Variants in CEP57 observed in about 807,000 individuals in gnomAD.
The protein encoded by CEP57 is centrosomal protein of 57 kDa.
A neutral mutation model predicts 68.0 loss-of-function variants in CEP57; 40 were observed. That is an observed-to-expected ratio of 0.59 (90% CI 0.46 to 0.77). CEP57 has a LOEUF of 0.77. Among genes scored for constraint, CEP57 ranks in the 30% least tolerant of loss-of-function variants. CEP57 has a pLI of 0.00. For missense variants in CEP57, 606 were observed against 580.7 expected (o/e 1.04, Z -0.45); for synonymous variants, 219 against 198.7 (o/e 1.10, Z -0.86).
chr11:95,793,854 T>C (rs1031656659), intron 1 of CEP57, among the ~76,000 whole-genome samples: 2 of 152,206 alleles, frequency 1.3e-5, no homozygotes, highest in Admixed American at 6.5e-5. Context: ...AGAAACAATC[T>C]TGTATTCATT....
chr11:95,828,560 C>T (rs1862857424), intron 9 of CEP57, among the ~76,000 whole-genome samples: 1 of 152,092 alleles, frequency 6.6e-6, no homozygotes. Context: ...ACTACATCAT[C>T]ATCTGGCACC....
Position 95,790,714 on chromosome 11 carries a change from GTC to G in CEP57, c.20_21del (p.Ser7CysfsTer13). 1 of 1,614,136 alleles carries G rather than the reference GTC, an allele frequency of 6.2e-7. No homozygotes were observed. The highest frequency in any genetic ancestry group is 8.5e-7 in the Non-Finnish European group (1 of 1,180,006). ...AGGCTGAAAGATGGCGGCGGCGTCT[GTC>G]TCTGCGGCTTCTGGTTCTCACTTGT... Reference protein sequence around the residue: MAAASVSAASGSHLSN... With the variant: MAAASXSAASGSHLSN... On this transcript the variant is annotated frameshift_variant, in exon 1 of 11. Coordinates refer to ENST00000325542, the MANE Select transcript of CEP57 (RefSeq NM_014679.5). LOFTEE classifies it high-confidence loss of function.
At chr11:95,817,617 T>G (rs1862352083) in intron 4 of CEP57, among the ~76,000 whole-genome samples, 170 bp from the exon 5 acceptor site, 1 of 152,192 alleles carries the variant, frequency 6.6e-6, no homozygotes, top group Non-Finnish European at 1.5e-5. Flanking sequence ...CTAAGAACAG[T>G]ATCCACTTAT....
chr11:95,812,943 G>A lies in CEP57; in HGVS notation c.214G>A (p.Ala72Thr), dbSNP rs1565322034. Reference protein sequence around the residue: ...PESNSRAIFSALKNLQDKIRR... With the variant: ...PESNSRAIFSTLKNLQDKIRR... ...TTTGTATTTGGCAGCCATATTTTCT[G>A]CTCTTAAGAATCTTCAAGATAAGAT... The change falls in exon 3 of 11, where the codon GCT becomes ACT. Residue 72 changes from alanine (A) to threonine (T), a missense_variant. Transcript: ENST00000325542. The A allele has an allele frequency of 6.2e-7, 1 of 1,613,820 alleles. No individual in the cohort carries two copies. Among genetic ancestry groups the A allele is most frequent in the Non-Finnish European group, 8.5e-7 (1 of 1,179,930 alleles).
At chr11:95,825,503 TGAA>T (rs995346790) in intron 8 of CEP57, among the ~76,000 whole-genome samples, 3 of 151,750 alleles carry the variant, frequency 2.0e-5, no homozygotes, top group African/African-American at 4.8e-5. Flanking sequence ...TGCCACAAGA[TGAA>T]GAAGACAACA....
At chr11:95,798,785 A>G (rs1022621777) in intron 1 of CEP57, among the ~76,000 whole-genome samples, 1 of 152,238 alleles carries the variant, frequency 6.6e-6, no homozygotes, top group Non-Finnish European at 1.5e-5. Context: ...AGGCAAGGAC[A>G]GTGCCTTATT....
intron 2 of CEP57, among the ~76,000 whole-genome samples, chr11:95,811,651 A>G (rs1024638979): frequency 6.6e-6 from 1 of 152,190 alleles, no homozygotes; most frequent in Admixed American, 6.5e-5. Flanking sequence ...CTGTACATCA[A>G]AACTAGAATT....
At chr11:95,806,431 C>T (rs925935948) in intron 2 of CEP57, among the ~76,000 whole-genome samples, 1 of 152,190 alleles carries the variant, frequency 6.6e-6, no homozygotes, top group Non-Finnish European at 1.5e-5. Context: ...GGTGTTGTCT[C>T]ACCCGGGAAG....
rs764178959 is a variant in CEP57, at chr11:95,812,918, T to C, written c.203-14T>C. On this transcript the variant is annotated splice_polypyrimidine_tract_variant and intron_variant, in intron 2 of 10. Coordinates refer to ENST00000325542, the MANE Select transcript of CEP57 (RefSeq NM_014679.5). ...TGCTGTTACAGCATCCACGTTTGTGTTTGTATTTGGCAGCCATATTTTCTG... is the reference window on the plus strand; with the variant it reads ...TGCTGTTACAGCATCCACGTTTGTGCTTGTATTTGGCAGCCATATTTTCTG... 6.2e-7 allele frequency: 1 copy of C among 1,613,208 alleles called. No individual in the cohort carries two copies. Among genetic ancestry groups the C allele is most frequent in the Non-Finnish European group, 8.5e-7 (1 of 1,179,446 alleles).
At chr11:95,830,049 CAG>C (rs1414397224) in intron 10 of CEP57, among the ~76,000 whole-genome samples, 1 of 152,134 alleles carries the variant, frequency 6.6e-6, no homozygotes, top group Non-Finnish European at 1.5e-5. Context: ...CTGAGAAGTT[CAG>C]AGAGCAGAAC....
At chr11:95,810,040 T>C (rs1861984890) in intron 2 of CEP57, among the ~76,000 whole-genome samples, 1 of 151,836 alleles carries the variant, frequency 6.6e-6, no homozygotes, top group African/African-American at 2.4e-5. Flanking sequence ...GCAAGGCTGG[T>C]TCAACGTACA....
chr11:95,818,158 T>C, intron 5 of CEP57: 1 of 374,306 alleles, frequency 2.7e-6, no homozygotes, highest in South Asian at 2.3e-5. Context: ...ACGCCTGTAA[T>C]CCCAGCACTT....
chr11:95,804,697 A>G (rs1232707122), intron 2 of CEP57, among the ~76,000 whole-genome samples: 2 of 152,238 alleles, frequency 1.3e-5, no homozygotes, highest in East Asian at 3.9e-4. Flanking sequence ...AGAGCTATAC[A>G]TTGTTAATGA....
chr11:95,815,293 C>G (rs1204246667), intron 4 of CEP57: 1 of 152,132 alleles, frequency 6.6e-6, no homozygotes, highest in Non-Finnish European at 1.5e-5. Context: ...TGATAGGTCT[C>G]TTATTTCAGT....
At chr11:95,798,858 T>C (rs961087189) in intron 1 of CEP57, among the ~76,000 whole-genome samples, 1 of 152,236 alleles carries the variant, frequency 6.6e-6, no homozygotes, top group African/African-American at 2.4e-5. Flanking sequence ...GGGAATAGAG[T>C]AATTCAGTCA....
chr11:95,829,509 T>C (rs1253108184), intron 10 of CEP57, among the ~76,000 whole-genome samples, 178 bp downstream of exon 10: 1 of 152,236 alleles, frequency 6.6e-6, no homozygotes, highest in African/African-American at 2.4e-5. Context: ...AAGACACTTT[T>C]AGTCACTTAG....
intron 4 of CEP57, among the ~76,000 whole-genome samples, chr11:95,814,822 A>C (rs1337144930): frequency 6.6e-6 from 1 of 152,198 alleles, no homozygotes; most frequent in Non-Finnish European, 1.5e-5. Context: ...AATACTAGGC[A>C]GTTGTCCTTC....
chr11:95,792,351 C>G (rs1861125508), intron 1 of CEP57, among the ~76,000 whole-genome samples: 1 of 152,172 alleles, frequency 6.6e-6, no homozygotes, highest in Admixed American at 6.5e-5. Flanking sequence ...TGAATTGAGT[C>G]TGGGTGCGTG....
At position 95,818,875 on chromosome 11, in the gene CEP57, A is replaced by G. The variant is rs755140070; in HGVS notation, c.670A>G (p.Arg224Gly). 9.9e-6 allele frequency: 16 copies of G among 1,613,954 alleles called. No individual in the cohort carries two copies. In the Admixed American group the frequency reaches 2.5e-4, roughly 25 times the overall value. The change falls in exon 6 of 11, where the codon AGG (arginine) becomes GGG (glycine). Residue 224 changes from arginine to glycine, a missense_variant. Physicochemically the swap from Arg to Gly is moderately radical, Grantham distance 125. Coordinates refer to ENST00000325542, the MANE Select transcript of CEP57 (RefSeq NM_014679.5). ...AAAACTCCATGAAGAAGAACAGGAA[A>G]GGAAACGCATGCAAGCTAAGGCAGC... ...EAKLHEEEQE[R>G]KRMQAKAAEL... is the part of the protein sequence containing the mutation.
Sources: allele counts gnomAD v4.1 joint callset (sites outside exome capture counted in the v4.1 genomes callset), GRCh38; gene constraint gnomAD v4.1.1; transcripts MANE v1.5; gene names NCBI Gene and HGNC (gene_info 2026-07-23, HGNC 2026-07-21).